Variants in PHC3 observed in about 807,000 individuals in gnomAD.
PHC3 encodes the protein polyhomeotic homolog 3.
Under a neutral mutation model 107.4 loss-of-function variants are expected in PHC3, and 13 were observed. The ratio of observed to expected loss-of-function variants is 0.12; its 90% confidence interval spans 0.08 to 0.19. The LOEUF (loss-of-function observed/expected upper bound fraction) is 0.19. PHC3 is among the 10% of genes least tolerant of loss of function. The probability of loss-of-function intolerance (pLI) is 1.00; values close to 1 mark genes in which losing one functional copy is unlikely to be tolerated. For missense variants in PHC3, 992 were observed against 1,210.9 expected (o/e 0.82, Z 2.68); for synonymous variants, 456 against 427.4 (o/e 1.07, Z -0.83).
At chr3:170,141,216 T>C (rs1158254296) in intron 6 of PHC3, among the ~76,000 whole-genome samples, 1 of 152,202 alleles carries the variant, frequency 6.6e-6, no homozygotes, top group Non-Finnish European at 1.5e-5. Context: ...AGTCTTGAAC[T>C]TGACGAAAGT....
chr3:170,168,581 C>T (rs1158673574), intron 4 of PHC3, among the ~76,000 whole-genome samples: 3 of 151,942 alleles, frequency 2.0e-5, no homozygotes, highest in East Asian at 3.9e-4. Flanking sequence ...ATGGCTAAGA[C>T]GGTGAAATCC....
At chr3:170,129,678 A>G (rs1560066862) in intron 7 of PHC3, 126 bp from the exon 8 acceptor site, 1 of 1,083,338 alleles carries the variant, frequency 9.2e-7, no homozygotes, top group East Asian at 2.4e-5. Context: ...CAAGTTTTCC[A>G]AACAAGAGTA....
chr3:170,160,918 A>G (rs1436647608), intron 4 of PHC3, among the ~76,000 whole-genome samples: 1 of 152,212 alleles, frequency 6.6e-6, no homozygotes, highest in East Asian at 1.9e-4. Context: ...AAAAAACAAA[A>G]AAAGAGTTAA....
At chr3:170,156,786 G>A (rs1201506781) in intron 4 of PHC3, among the ~76,000 whole-genome samples, 3 of 151,440 alleles carry the variant, frequency 2.0e-5, no homozygotes, top group Admixed American at 6.6e-5. Flanking sequence ...TAATAGTAAC[G>A]GGGTTTCACC....
In PHC3 at chr3:170,088,191, T is replaced by C. The variant is rs1713687310; in HGVS notation, c.*9039A>G. On this transcript the variant is annotated 3_prime_UTR_variant, in exon 15 of 15. Coordinates refer to ENST00000495893, the MANE Select transcript of PHC3 (RefSeq NM_024947.4). ...TAAAAAATGTTTTCTTTCCCCTTGG[T>C]GATCTTTGTTCATCCTGGGTGGATC... The C allele has an allele frequency of 6.6e-6, 1 of 152,200 alleles. No individual in the cohort carries two copies. Among genetic ancestry groups the C allele is most frequent in the African/African-American group, 2.4e-5 (1 of 41,456 alleles). 9.4% of individuals were successfully genotyped at this position (152,200 alleles called of 1,614,324 possible). A position where few individuals can be genotyped will look rare whatever the true frequency, so the allele number is the denominator to read the frequency against.
intron 4 of PHC3, among the ~76,000 whole-genome samples, chr3:170,153,717 C>A (rs1577187743): frequency 6.6e-6 from 1 of 150,388 alleles, no homozygotes; most frequent in Admixed American, 6.6e-5. Context: ...GAGCCAAGAT[C>A]GCGCCACTGC....
At position 170,136,619 on chromosome 3, in the gene PHC3, C is replaced by T; in HGVS notation, c.719G>A (p.Ser240Asn). Reference protein sequence around the residue: ...LRSQKLGVLSSSQNGPPKSTS... With the variant: ...LRSQKLGVLSNSQNGPPKSTS... ...GCTTTTTGGTGGACCATTCTGTGAG[C>T]TAGATAATACACCCAACTTCTGGCT... is the stretch of plus-strand genomic sequence containing the variant. Residue 240 changes from serine to asparagine, a missense_variant, in exon 7 of 15, where the codon AGC becomes AAC. By Grantham distance (46) the Ser-to-Asn change is conservative (BLOSUM62 1). This residue lies in a region of PHC3 where 543 missense variants were observed against 590.8 expected (regional missense o/e 0.92). Coordinates refer to ENST00000495893, the MANE Select transcript of PHC3 (RefSeq NM_024947.4). 1 of 1,613,704 alleles carries T rather than the reference C, an allele frequency of 6.2e-7. No homozygotes were observed. Among genetic ancestry groups the T allele is most frequent in the Non-Finnish European group, 8.5e-7 (1 of 1,179,780 alleles).
At chr3:170,103,326 T>C (rs1232083605) in intron 12 of PHC3, among the ~76,000 whole-genome samples, 2 of 152,202 alleles carry the variant, frequency 1.3e-5, no homozygotes, top group African/African-American at 2.4e-5. Context: ...CTGATTTTTC[T>C]AAGTAATAAC....
chr3:170,122,501 G>A, intron 9 of PHC3, 90 bp downstream of exon 9: 1 of 1,371,092 alleles, frequency 7.3e-7, no homozygotes, highest in Non-Finnish European at 1.0e-6. Flanking sequence ...TACAAAAAGG[G>A]TGAAAGGAGG....
At chr3:170,119,036 T>TA (rs1002478959) in intron 9 of PHC3, among the ~76,000 whole-genome samples, 13,611 of 72,758 alleles carry the variant, frequency 0.19, 675 homozygotes, top group Middle Eastern at 0.23. Flanking sequence ...TATAAAAAGC[T>TA]AAAAAAAAAA....
intron 8 of PHC3, among the ~76,000 whole-genome samples, chr3:170,128,131 T>C (rs1281035475): frequency 6.6e-6 from 1 of 152,138 alleles, no homozygotes; most frequent in African/African-American, 2.4e-5. Flanking sequence ...CTGGACTCTC[T>C]CCTAGAATAA....
At chr3:170,125,794 C>A (rs1486585670) in intron 8 of PHC3, among the ~76,000 whole-genome samples, 1 of 152,166 alleles carries the variant, frequency 6.6e-6, no homozygotes, top group East Asian at 1.9e-4. Flanking sequence ...TCACAGACAT[C>A]TGGCACAATC....
intron 10 of PHC3, among the ~76,000 whole-genome samples, chr3:170,115,376 C>T (rs1330996052): frequency 2.0e-5 from 3 of 151,968 alleles, no homozygotes; most frequent in Non-Finnish European, 4.4e-5. Flanking sequence ...AACATATATA[C>T]ATTATATACA....
At chr3:170,173,929 A>T (rs1730006851) in intron 2 of PHC3, among the ~76,000 whole-genome samples, 1 of 152,228 alleles carries the variant, frequency 6.6e-6, no homozygotes, top group African/African-American at 2.4e-5. Context: ...AGGTTGGCTC[A>T]TGCCTGTGAT....
intron 9 of PHC3, among the ~76,000 whole-genome samples, chr3:170,118,245 T>C (rs932132870): frequency 3.3e-5 from 5 of 152,044 alleles, no homozygotes; most frequent in Admixed American, 1.3e-4. Flanking sequence ...AACAAGTAGA[T>C]TTATTTATTT....
At chr3:170,121,049 T>A (rs1055975363) in intron 9 of PHC3, among the ~76,000 whole-genome samples, 6 of 152,250 alleles carry the variant, frequency 3.9e-5, no homozygotes, top group African/African-American at 1.4e-4. Context: ...AGTGTGTGGC[T>A]ATGTTTCACA....
chr3:170,129,571 A>T lies in PHC3; in HGVS notation c.920-19T>A, dbSNP rs749867646. 2 of 1,587,880 alleles carry T rather than the reference A, an allele frequency of 1.3e-6. No individual in the cohort carries two copies. Among genetic ancestry groups the T allele is most frequent in the Non-Finnish European group, 1.7e-6 (2 of 1,166,340 alleles). ...TATGAAGCTGTGAGAGAAAAAAATG[A>T]CAATTAGTACTGATTTCAAAAATAC... On this transcript the variant is annotated intron_variant, in intron 7 of 14. Transcript: ENST00000495893.
intron 4 of PHC3, among the ~76,000 whole-genome samples, chr3:170,166,113 C>T (rs544230274): frequency 6.0e-5 from 9 of 151,138 alleles, no homozygotes; most frequent in Admixed American, 1.3e-4. Context: ...GGTGTGATCT[C>T]GGCTCATTGC....
chr3:170,145,133 A>G (rs1373179685), intron 6 of PHC3, among the ~76,000 whole-genome samples: 1 of 152,280 alleles, frequency 6.6e-6, no homozygotes, highest in African/African-American at 2.4e-5. Flanking sequence ...CACATGAGAA[A>G]TAAATCTGCT....
Sources: gnomAD v4.1 joint callset for allele counts (sites outside exome capture counted in the v4.1 genomes callset) on GRCh38, gnomAD v4.1.1 for gene constraint, gnomAD v4.1.1 regional missense constraint, MANE v1.5 for transcripts, NCBI Gene and HGNC (gene_info 2026-07-23, HGNC 2026-07-21) for gene names.